The following OPCML variants were observed in gnomAD, a reference collection of about 807,000 sequenced individuals.
OPCML encodes opioid-binding protein/cell adhesion molecule.
Under a neutral mutation model 37.8 loss-of-function variants are expected in OPCML, and 13 were observed. The ratio of observed to expected loss-of-function variants is 0.34; its 90% CI spans 0.22 to 0.55. The LOEUF (loss-of-function observed/expected upper bound fraction) is 0.55, where lower values mean the gene tolerates loss of function less well. Ranked by LOEUF, OPCML falls within the 20% of genes least tolerant of loss-of-function variation. OPCML has a pLI of 0.91. For missense variants in OPCML, 341 were observed against 435.6 expected (o/e 0.78, Z 1.93); for synonymous variants, 176 against 168.8 (o/e 1.04, Z -0.33).
intron 2 of OPCML, among the ~76,000 whole-genome samples, chr11:132,742,463 C>T (rs1367467394): frequency 6.6e-6 from 1 of 152,138 alleles, no homozygotes; most frequent in East Asian, 1.9e-4. Context: ...CAGGAAGTGG[C>T]TCTTCACCAG....
chr11:133,096,262 TCCTA>T (rs1949001826), intron 1 of OPCML, among the ~76,000 whole-genome samples: 1 of 151,984 alleles, frequency 6.6e-6, no homozygotes, highest in Non-Finnish European at 1.5e-5. Context: ...TTAAGATACT[TCCTA>T]CCCATGAATA....
At chr11:133,394,460 G>T (rs745459004) in intron 1 of OPCML, among the ~76,000 whole-genome samples, 6 of 151,864 alleles carry the variant, frequency 4.0e-5, no homozygotes, top group Non-Finnish European at 7.4e-5. Context: ...AATTATTTTT[G>T]ACTATAGTCA....
At chr11:132,742,765 A>G (rs1480699349) in intron 2 of OPCML, among the ~76,000 whole-genome samples, 1 of 148,798 alleles carries the variant, frequency 6.7e-6, no homozygotes, top group Non-Finnish European at 1.5e-5. Context: ...CTTATACGTT[A>G]TATATAATGT....
At chr11:133,043,206 G>T (rs1433788774) in intron 1 of OPCML, among the ~76,000 whole-genome samples, 1 of 152,148 alleles carries the variant, frequency 6.6e-6, no homozygotes, top group Non-Finnish European at 1.5e-5. Context: ...GGCAGAGAGA[G>T]CCCAGCTGGG....
intron 3 of OPCML, among the ~76,000 whole-genome samples, chr11:132,633,249 C>G (rs148144645): frequency 6.6e-6 from 1 of 152,110 alleles, no homozygotes; most frequent in Non-Finnish European, 1.5e-5. Flanking sequence ...GTCGCCCAAG[C>G]TGGAGTTCAG....
intron 2 of OPCML, among the ~76,000 whole-genome samples, chr11:132,728,042 C>A (rs1224465091): frequency 6.6e-6 from 1 of 152,216 alleles, no homozygotes; most frequent in African/African-American, 2.4e-5. Flanking sequence ...CACAGCTCAC[C>A]AGGGAGCTTC....
At chr11:132,980,980 A>T (rs1946569432) in intron 1 of OPCML, among the ~76,000 whole-genome samples, 1 of 152,168 alleles carries the variant, frequency 6.6e-6, no homozygotes, top group Non-Finnish European at 1.5e-5. Context: ...TAGGCTATAA[A>T]CCTGCAACAG....
At chr11:132,848,744 C>A (rs1219097771) in intron 2 of OPCML, among the ~76,000 whole-genome samples, 1 of 152,232 alleles carries the variant, frequency 6.6e-6, no homozygotes, top group Non-Finnish European at 1.5e-5. Context: ...TATCCAAATT[C>A]TTGTCCTTAT....
chr11:133,257,632 T>G (rs1941356872), intron 1 of OPCML, among the ~76,000 whole-genome samples: 1 of 152,164 alleles, frequency 6.6e-6, no homozygotes, highest in Admixed American at 6.5e-5. Flanking sequence ...AGAACTCAGG[T>G]GTCTAATTCT....
At chr11:133,182,840 G>A (rs1049160464) in intron 1 of OPCML, among the ~76,000 whole-genome samples, 1 of 152,160 alleles carries the variant, frequency 6.6e-6, no homozygotes, top group African/African-American at 2.4e-5. Context: ...TGGCTGCTGA[G>A]AACCGTCATA....
intron 1 of OPCML, among the ~76,000 whole-genome samples, chr11:133,178,046 T>C (rs1937638109): frequency 6.6e-6 from 1 of 152,166 alleles, no homozygotes; most frequent in African/African-American, 2.4e-5. Flanking sequence ...AGTCAAGTGG[T>C]ATTCGTTTCC....
chr11:133,440,696 C>T (rs1157636168), intron 1 of OPCML, among the ~76,000 whole-genome samples: 1 of 147,270 alleles, frequency 6.8e-6, no homozygotes, highest in Non-Finnish European at 1.5e-5. Flanking sequence ...CATGGCACTC[C>T]AGCCTGGCAA....
chr11:133,045,400 G>A (rs943914094), intron 1 of OPCML, among the ~76,000 whole-genome samples: 18 of 152,132 alleles, frequency 1.2e-4, no homozygotes, highest in African/African-American at 3.6e-4. Context: ...CACGCACCCC[G>A]GAGGGACAGT....
At chr11:132,697,941 A>G (rs1943655590) in intron 2 of OPCML, among the ~76,000 whole-genome samples, 1 of 149,942 alleles carries the variant, frequency 6.7e-6, no homozygotes, top group East Asian at 2.0e-4. Context: ...TTAATTTTGT[A>G]TTTTATTTTA....
At position 133,286,173 on chromosome 11, in the gene OPCML, G is replaced by A. The variant is rs1257835270; in HGVS notation, c.61+246091C>T. 2.0e-5 allele frequency among the ~76,000 whole-genome samples: 3 copies of A among 152,090 alleles called. No individual in the cohort carries two copies. The East Asian group carries it at 5.8e-4, about 29-fold the overall frequency. On this transcript the variant is annotated intron_variant, in intron 1 of 7. Transcript: ENST00000524381. ...ACTGTGGAAAAGTATTCACCTTGCTGGGCGCGGTGGCTCACGCCTGCAATT... is the reference window on the plus strand; with the variant it reads ...ACTGTGGAAAAGTATTCACCTTGCTAGGCGCGGTGGCTCACGCCTGCAATT...
intron 4 of OPCML, among the ~76,000 whole-genome samples, chr11:132,443,312 C>A (rs761818651): frequency 2.0e-5 from 3 of 152,058 alleles, no homozygotes; most frequent in Non-Finnish European, 4.4e-5. Context: ...GTGGGAGGAG[C>A]AAGAAAGCAA....
At chr11:132,811,814 A>C (rs1456640950) in intron 2 of OPCML, among the ~76,000 whole-genome samples, 1 of 152,214 alleles carries the variant, frequency 6.6e-6, no homozygotes, top group African/African-American at 2.4e-5. Context: ...CTAGTTTAAA[A>C]GCATAAAAAC....
intron 7 of OPCML, among the ~76,000 whole-genome samples, chr11:132,425,261 C>T (rs1042445330): frequency 6.7e-6 from 1 of 150,352 alleles, no homozygotes; most frequent in African/African-American, 2.5e-5. Flanking sequence ...AACAAATAAA[C>T]AGACAAATAT....
At chr11:132,926,138 A>G (rs369482340) in intron 2 of OPCML, among the ~76,000 whole-genome samples, 1 of 152,142 alleles carries the variant, frequency 6.6e-6, no homozygotes, top group African/African-American at 2.4e-5. Context: ...CCTCTCAACT[A>G]ATTTACCCTA....
Sources: gnomAD v4.1 joint callset for allele counts (sites outside exome capture counted in the v4.1 genomes callset) on GRCh38, gnomAD v4.1.1 for gene constraint, MANE v1.5 for transcripts, NCBI Gene and HGNC (gene_info 2026-07-23, HGNC 2026-07-21) for gene names.